The following SYNJ2 variants were observed in gnomAD, a reference collection of about 807,000 sequenced individuals.
SYNJ2 encodes synaptojanin 2.
SYNJ2 carries 116 observed loss-of-function variants against 141.3 expected under a neutral mutation model. The ratio of observed to expected loss-of-function variants is 0.82; its 90% CI spans 0.71 to 0.96. The LOEUF (loss-of-function observed/expected upper bound fraction) is 0.96. SYNJ2 is among the 40% of genes least tolerant of loss of function. The pLI is 0.00. For synonymous variants in SYNJ2, 745 were observed against 777.7 expected, an observed-to-expected ratio of 0.96 and a Z score of 0.70; for missense variants, 1,873 against 1,934.8, an observed-to-expected ratio of 0.97 and a Z score of 0.60.
At position 158,043,304 on chromosome 6, in the gene SYNJ2, C is replaced by T. The variant is rs780412753; in HGVS notation, c.712-12C>T. On this transcript the variant is annotated splice_polypyrimidine_tract_variant and intron_variant, in intron 4 of 26. Transcript: ENST00000355585. The surrounding 1 kb of genome is among the most constrained non-coding windows in gnomAD (Gnocchi z 4.0). ...AAGAATACCTTTCCCTTTCTGTTTC[C>T]TTGTGCCGCAGATGATTTACATGGA... The T allele has an allele frequency of 1.2e-6, 2 of 1,612,834 alleles. No individual in the cohort carries two copies. Among genetic ancestry groups the T allele is most frequent in the East Asian group, 4.5e-5 (2 of 44,876 alleles).
chr6:158,064,978 C>T lies in SYNJ2; in HGVS notation c.1512C>T (p.Ser504=). The part of the protein sequence containing the change: ...VADKGGMLLD[S]TALLVTPRIL... ...ACAAAGGGGGCATGCTGCTGGACAG[C>T]ACGGCGCTCCTGGGTAGGGCCTGCC... The change falls in exon 11 of 27, where the codon AGC becomes AGT. Residue 504 remains serine, a synonymous_variant. Coordinates refer to ENST00000355585, the MANE Select transcript of SYNJ2 (RefSeq NM_003898.4). 2 of 1,583,708 alleles carry T rather than the reference C, an allele frequency of 1.3e-6. No individual in the cohort carries two copies. The highest frequency in any genetic ancestry group is 1.7e-6 in the Non-Finnish European group (2 of 1,164,022).
At chr6:158,033,710 A>G (rs1305448051) in intron 4 of SYNJ2, 30 bp downstream of exon 4, 3 of 1,581,848 alleles carry the variant, frequency 1.9e-6, no homozygotes, top group South Asian at 1.1e-5. Context: ...TGTGGCACCA[A>G]ATGGTTCCGA....
At chr6:158,037,322 C>G (rs958147278) in intron 4 of SYNJ2, among the ~76,000 whole-genome samples, 1 of 151,856 alleles carries the variant, frequency 6.6e-6, no homozygotes, top group East Asian at 1.9e-4. Flanking sequence ...TTCGTGTGGC[C>G]TTCTCTGCCT....
chr6:158,082,555 A>G (rs1363824151), intron 20 of SYNJ2, among the ~76,000 whole-genome samples: 1 of 150,312 alleles, frequency 6.7e-6, no homozygotes, highest in East Asian at 2.0e-4. Context: ...CCAGCTACTC[A>G]GGAGGCTGAG....
Position 158,068,196 on chromosome 6 carries a change from C to T in SYNJ2, c.1718-451C>T, listed in dbSNP as rs552171269. Among the ~76,000 whole-genome samples, 428 of 150,916 alleles carry T rather than the reference C, an allele frequency of 2.8e-3. 2 individuals are homozygous for T. Among genetic ancestry groups the T allele is most frequent in the African/African-American group, 9.9e-3 (408 of 41,094 alleles). On this transcript the variant is annotated intron_variant, in intron 12 of 26. Coordinates refer to ENST00000355585, the MANE Select transcript of SYNJ2 (RefSeq NM_003898.4). ...GGGAAACTAGAGGTTCCAGGTTGCC[C>T]ATTGTGGTCAACAGAGAAGGAAGTG...
chr6:158,065,407 G>C (rs1781504182), intron 11 of SYNJ2, among the ~76,000 whole-genome samples: 1 of 152,150 alleles, frequency 6.6e-6, no homozygotes, highest in African/African-American at 2.4e-5. Context: ...GGCCCCTGAG[G>C]ACCCTGTGGA....
chr6:158,075,578 T>A (rs1782229611), intron 16 of SYNJ2, among the ~76,000 whole-genome samples: 2 of 151,438 alleles, frequency 1.3e-5, no homozygotes, highest in Non-Finnish European at 2.9e-5. Flanking sequence ...GAGGCGGAAG[T>A]TGCAGTGAGC....
chr6:157,992,064 T>C (rs1026293722), intron 1 of SYNJ2, among the ~76,000 whole-genome samples: 2 of 152,224 alleles, frequency 1.3e-5, no homozygotes, highest in Non-Finnish European at 2.9e-5. Context: ...ATGTAATATG[T>C]AATAACCACA....
chr6:158,022,929 G>A (rs1778850108), intron 2 of SYNJ2, among the ~76,000 whole-genome samples: 1 of 152,190 alleles, frequency 6.6e-6, no homozygotes, highest in African/African-American at 2.4e-5. Context: ...CCTGGTGCTA[G>A]GCTCAAGCCA....
At chr6:158,037,226 C>G (rs1470312332) in intron 4 of SYNJ2, among the ~76,000 whole-genome samples, 1 of 152,040 alleles carries the variant, frequency 6.6e-6, no homozygotes, top group Non-Finnish European at 1.5e-5. Context: ...CGAAGTCCCC[C>G]TGGGGAGAAC....
intron 1 of SYNJ2, among the ~76,000 whole-genome samples, chr6:158,005,138 C>T (rs570582678): frequency 1.2e-4 from 18 of 149,506 alleles, no homozygotes; most frequent in East Asian, 5.9e-4. Context: ...AGTGCAGTGG[C>T]GCGATCTCGG....
At chr6:157,990,217 C>T (rs1186701353) in intron 1 of SYNJ2, among the ~76,000 whole-genome samples, 3 of 152,202 alleles carry the variant, frequency 2.0e-5, no homozygotes, top group Non-Finnish European at 4.4e-5. Flanking sequence ...TCAAGTTCCA[C>T]GGCTCCAGTG....
At chr6:157,992,800 C>A (rs1294920307) in intron 1 of SYNJ2, among the ~76,000 whole-genome samples, 1 of 152,144 alleles carries the variant, frequency 6.6e-6, no homozygotes, top group Non-Finnish European at 1.5e-5. Flanking sequence ...ATAAATAGTA[C>A]TCCACTGTGT....
intron 5 of SYNJ2, among the ~76,000 whole-genome samples, chr6:158,045,583 C>T: frequency 6.6e-6 from 1 of 151,612 alleles, no homozygotes; most frequent in East Asian, 1.9e-4. Context: ...GTGTGACTCA[C>T]CCTCAGTCCT....
chr6:158,073,135 G>T (rs1016723331), intron 15 of SYNJ2, among the ~76,000 whole-genome samples: 1 of 151,368 alleles, frequency 6.6e-6, no homozygotes, highest in Admixed American at 6.6e-5. Flanking sequence ...GTAATTAAAG[G>T]ATTTATAATG....
chr6:158,087,502 T>C (rs1562404564), intron 23 of SYNJ2, among the ~76,000 whole-genome samples: 1 of 152,208 alleles, frequency 6.6e-6, no homozygotes, highest in Non-Finnish European at 1.5e-5. Flanking sequence ...GTTCGAACAA[T>C]GCTTTGCCCG....
chr6:158,078,303 C>A, intron 18 of SYNJ2, 22 bp downstream of exon 18: 2 of 1,535,488 alleles, frequency 1.3e-6, no homozygotes, highest in Non-Finnish European at 9.0e-7. Context: ...ACTTCCATGG[C>A]GTTTTCTCCT....
intron 4 of SYNJ2, among the ~76,000 whole-genome samples, chr6:158,034,728 T>C (rs897457972): frequency 6.6e-6 from 1 of 152,258 alleles, no homozygotes; most frequent in Non-Finnish European, 1.5e-5. Flanking sequence ...AGATTGCTTT[T>C]GGCATCTTCG....
At chr6:157,997,114 C>T (rs1777664993) in intron 1 of SYNJ2, among the ~76,000 whole-genome samples, 1 of 147,452 alleles carries the variant, frequency 6.8e-6, no homozygotes, top group African/African-American at 2.5e-5. Flanking sequence ...CACCAACTGT[C>T]TCTGCCCCAT....
Sources: gnomAD v4.1 joint callset for allele counts (sites outside exome capture counted in the v4.1 genomes callset) on GRCh38, gnomAD v4.1.1 for gene constraint, Gnocchi (gnomAD v3.1) non-coding constraint, MANE v1.5 for transcripts, NCBI Gene and HGNC (gene_info 2026-07-23, HGNC 2026-07-21) for gene names.